Variants in GNB2 observed in about 807,000 individuals in gnomAD.
GNB2 encodes the protein guanine nucleotide-binding protein G(I)/G(S)/G(T) subunit beta-2.
GNB2 carries 7 observed loss-of-function variants against 40.7 expected under a neutral mutation model. The observed-to-expected ratio is 0.17, with a 90% CI of 0.10 to 0.32. The LOEUF (loss-of-function observed/expected upper bound fraction) is 0.32. Ranked by LOEUF, GNB2 falls within the 10% of genes least tolerant of loss-of-function variation. The pLI is 1.00. For missense variants in GNB2, 286 were observed against 473.0 expected (o/e 0.60, Z 3.67); for synonymous variants, 254 against 191.2 (o/e 1.33, Z -2.71).
rs1554371972 is a variant in GNB2, at chr7:100,678,703, G to A, written c.925G>A (p.Ala309Thr). ...TTCTCTCTTCTTCACAGGAGTCCTC[G>A]CTGGCCACGACAACCGCGTGAGCTG... ...AMKGDRAGVLAGHDNRVSCLG... is the reference protein window; with the variant it reads ...AMKGDRAGVLTGHDNRVSCLG... Residue 309 changes from alanine to threonine, a missense_variant, in exon 10 of 10, where the codon GCT (alanine) becomes ACT (threonine). Transcript: ENST00000303210. The A allele has an allele frequency of 5.6e-6, 9 of 1,613,182 alleles. 1 individual carries two copies. The highest frequency in any genetic ancestry group is 3.3e-5 in the South Asian group (3 of 91,068).
At position 100,678,742 on chromosome 7, in the gene GNB2, G is replaced by A. The variant is rs760148387; in HGVS notation, c.964G>A (p.Asp322Asn). The change falls in exon 10 of 10, where the codon GAC (aspartate) becomes AAC (asparagine). Residue 322 changes from aspartate (D) to asparagine (N), a missense_variant. By Grantham distance (23) the Asp-to-Asn change is conservative. Transcript: ENST00000303210. ...DNRVSCLGVT[D>N]DGMAVATGSW... ...CCGCGTGAGCTGCCTCGGGGTCACC[G>A]ACGATGGCATGGCTGTGGCCACGGG... 6.8e-6 allele frequency: 11 copies of A among 1,613,806 alleles called. No individual in the cohort carries two copies. In the East Asian group the frequency reaches 8.9e-5, roughly 13 times the overall value.
In GNB2 at chr7:100,678,810, C is replaced by A. The variant is rs746665448; in HGVS notation, c.*9C>A. The stretch of plus-strand genomic sequence containing the variant: ...TCAAGATCTGGAACTAATGGCCCCA[C>A]CCCCACTGGGCCCAGGCCAGGAGGG... On this transcript the variant is annotated 3_prime_UTR_variant, in exon 10 of 10. Coordinates refer to ENST00000303210, the MANE Select transcript of GNB2 (RefSeq NM_005273.4). The A allele has an allele frequency of 6.4e-7, 1 of 1,573,938 alleles. No homozygotes were observed. Among genetic ancestry groups the A allele is most frequent in the Admixed American group, 1.7e-5 (1 of 59,900 alleles).
intron 1 of GNB2, among the ~76,000 whole-genome samples, chr7:100,674,213 A>C (rs1031234221): frequency 6.6e-6 from 1 of 151,124 alleles, no homozygotes; most frequent in African/African-American, 2.4e-5. Flanking sequence ...TTGGGGGGCT[A>C]AATTCCGGGC....
rs568659479 is a variant in GNB2, at chr7:100,679,089, C to T, written c.*288C>T. 3.3e-4 allele frequency: 131 copies of T among 401,778 alleles called. 1 individual carries two copies. In the South Asian group the frequency reaches 1.0e-2, roughly 31 times the overall value. The allele number at this position is 401,778 out of a possible 1,614,324, so 24.9% of individuals were successfully genotyped here. A position where few individuals can be genotyped will look rare whatever the true frequency, so the allele number is the denominator to read the frequency against. ...AGGCAGGAGGTGGAAACCCCAGGGG[C>T]TGGCTTTTTTAAAACTGGTTTTATT... On this transcript the variant is annotated 3_prime_UTR_variant, in exon 10 of 10. Coordinates refer to ENST00000303210, the MANE Select transcript of GNB2 (RefSeq NM_005273.4).
chr7:100,678,133 T>C lies in GNB2; in HGVS notation c.533T>C (p.Val178Ala). 1 of 1,613,850 alleles carries C rather than the reference T, an allele frequency of 6.2e-7. No homozygotes were observed. The highest frequency in any genetic ancestry group is 1.7e-5 in the Admixed American group (1 of 60,020). The change falls in exon 8 of 10, where the codon GTG (valine) becomes GCG (alanine). Residue 178 changes from valine (V) to alanine (A), a missense_variant. By Grantham distance (64) the Val-to-Ala change is moderately conservative. Coordinates refer to ENST00000303210, the MANE Select transcript of GNB2 (RefSeq NM_005273.4). The stretch of plus-strand genomic sequence containing the variant: ...GACATTGAGACAGGCCAGCAGACAG[T>C]GGGTTTTGCTGGACACAGTGGGGAT... ...LWDIETGQQT[V>A]GFAGHSGDVM...
rs766519665 is a variant in GNB2, at chr7:100,678,323, C to T, written c.699+24C>T. ...CTGTGAGTTTTGGGGCGAGCTAGGC[C>T]AGGCCCTCCCCACCAGGCTCCCGGC... On this transcript the variant is annotated intron_variant, in intron 8 of 9. Transcript: ENST00000303210. The T allele has an allele frequency of 1.9e-6, 3 of 1,607,944 alleles. No individual in the cohort carries two copies. The South Asian group carries it at 3.3e-5, about 18-fold the overall frequency.
intron 7 of GNB2, 73 bp from the exon 8 acceptor site, chr7:100,678,025 T>C (rs1584479618): frequency 7.6e-7 from 1 of 1,313,618 alleles, no homozygotes; most frequent in Admixed American, 1.7e-5. Flanking sequence ...GCTCACGTGG[T>C]GGGGCGGGGA....
Position 100,678,320 on chromosome 7 carries a change from G to A in GNB2, c.699+21G>A, listed in dbSNP as rs560853556. ...TGGCTGTGAGTTTTGGGGCGAGCTA[G>A]GCCAGGCCCTCCCCACCAGGCTCCC... is the stretch of plus-strand genomic sequence containing the variant. On this transcript the variant is annotated intron_variant, in intron 8 of 9. Transcript: ENST00000303210. 2.5e-5 allele frequency: 40 copies of A among 1,608,910 alleles called. No individual in the cohort carries two copies. In the South Asian group the frequency reaches 4.3e-4, roughly 17 times the overall value.
rs572285163 is a variant in GNB2, at chr7:100,675,742, G to GGT, written c.-89-427_-89-426dup. On this transcript the variant is annotated intron_variant, in intron 1 of 9. Coordinates refer to ENST00000303210, the MANE Select transcript of GNB2 (RefSeq NM_005273.4). ...CCCACCCGCCACCATCGAAGCTGGGGGTGTGTGTGGAGGGTGTGCGCCTTG... is the reference window on the plus strand; with the variant it reads ...CCCACCCGCCACCATCGAAGCTGGGGGTGTGTGTGTGGAGGGTGTGCGCCTTG... 5.7e-3 allele frequency: 869 copies of GGT among 153,546 alleles called. 5 individuals carry two copies. Among genetic ancestry groups the GGT allele is most frequent in the South Asian group, 0.011 (55 of 5,172 alleles). 9.5% of individuals were successfully genotyped at this position (153,546 alleles called of 1,614,324 possible). A position where few individuals can be genotyped will look rare whatever the true frequency, so the allele number is the denominator to read the frequency against.
In GNB2 at chr7:100,677,588, A is replaced by G. The variant is rs1286911439; in HGVS notation, c.358A>G (p.Ile120Val). The G allele has an allele frequency of 1.9e-6, 3 of 1,613,394 alleles. No homozygotes were observed. The highest frequency in any genetic ancestry group is 2.2e-5 in the East Asian group (1 of 44,878). Reference protein sequence around the residue: ...NFVACGGLDNICSIYSLKTRE... With the variant: ...NFVACGGLDNVCSIYSLKTRE... The stretch of plus-strand genomic sequence containing the variant: ...TGTGGCCTGTGGGGGGTTGGACAAC[A>G]TCTGCTCCATCTACAGCCTCAAGAC... Residue 120 changes from isoleucine to valine, a missense_variant, in exon 6 of 10, where the codon ATC (isoleucine) becomes GTC (valine). Ile to Val is a conservative substitution (Grantham distance 29). Coordinates refer to ENST00000303210, the MANE Select transcript of GNB2 (RefSeq NM_005273.4).
At chr7:100,678,352 G>A (rs1320296137) in intron 8 of GNB2, 46 bp from the exon 9 acceptor site, 1 of 1,603,536 alleles carries the variant, frequency 6.2e-7, no homozygotes, top group Non-Finnish European at 8.5e-7. Context: ...TCCCGGCCCT[G>A]CTCCTCACCC....
rs1407764081 is a variant in GNB2 at position 100,677,399 on chromosome 7, G to C, written c.251G>C (p.Ser84Thr). ...GATGGGAAGCTCATCATCTGGGACAGCTACACCACCAACAAGGTAGGGTGG... is the reference window on the plus strand; with the variant it reads ...GATGGGAAGCTCATCATCTGGGACACCTACACCACCAACAAGGTAGGGTGG... ...SQDGKLIIWD[S>T]YTTNKVHAIP... The change falls in exon 5 of 10, where the codon AGC becomes ACC. Residue 84 changes from serine to threonine, a missense_variant. Transcript: ENST00000303210. 2 of 1,613,930 alleles carry C rather than the reference G, an allele frequency of 1.2e-6. No homozygotes were observed.
At chr7:100,677,172 G>A (rs867949066) in intron 4 of GNB2, 180 bp from the exon 5 acceptor site, 6 of 611,938 alleles carry the variant, frequency 9.8e-6, no homozygotes, top group African/African-American at 1.8e-5. Flanking sequence ...CTATGCGGGG[G>A]AGGCTGAGGT....
rs374292503 is a variant in GNB2, at chr7:100,673,815, GCGCCGC to G, written c.-166_-161del. On this transcript the variant is annotated 5_prime_UTR_variant, in exon 1 of 10. Coordinates refer to ENST00000303210, the MANE Select transcript of GNB2 (RefSeq NM_005273.4). The stretch of plus-strand genomic sequence containing the variant: ...CTGGGGCCACTGAGGAAATCCATCC[GCGCCGC>G]CGCCGCCGCCGCCGCCGCCGCCGCC... The G allele has an allele frequency of 0.21, 36,746 of 175,940 alleles. 3,863 individuals carry two copies. The highest frequency in any genetic ancestry group is 0.22 in the Non-Finnish European group (19,984 of 89,668). The allele number at this position is 175,940 out of a possible 1,614,324, so 10.9% of individuals were successfully genotyped here. A position where few individuals can be genotyped will look rare whatever the true frequency, so the allele number is the denominator to read the frequency against.
chr7:100,677,237 A>C (rs1584479037), intron 4 of GNB2, 115 bp from the exon 5 acceptor site: 3 of 767,672 alleles, frequency 3.9e-6, no homozygotes, highest in Non-Finnish European at 6.7e-6. Flanking sequence ...TGATGGTGCC[A>C]CTGCACTCCA....
Position 100,676,160 on chromosome 7 carries a change from A to C in GNB2, c.-89-17A>C, listed in dbSNP as rs1804341811. On this transcript the variant is annotated splice_polypyrimidine_tract_variant and intron_variant, in intron 1 of 9. Coordinates refer to ENST00000303210, the MANE Select transcript of GNB2 (RefSeq NM_005273.4). ...CCCCGGCGGCCTCGGGCCTGACGTCAGCCCTGCATCCCCCAGGCCTCGGGC... is the reference window on the plus strand; with the variant it reads ...CCCCGGCGGCCTCGGGCCTGACGTCCGCCCTGCATCCCCCAGGCCTCGGGC... 1 of 652,258 alleles carries C rather than the reference A, an allele frequency of 1.5e-6. No homozygotes were observed. 40.4% of individuals were successfully genotyped at this position (652,258 alleles called of 1,614,324 possible). A position where few individuals can be genotyped will look rare whatever the true frequency, so the allele number is the denominator to read the frequency against.
At chr7:100,676,061 GC>G (rs1804339671) in intron 1 of GNB2, 115 bp from the exon 2 acceptor site, 1 of 500,008 alleles carries the variant, frequency 2.0e-6, no homozygotes, top group Non-Finnish European at 3.5e-6. Flanking sequence ...GGGGACGGCG[GC>G]CGCGCCGCCC....
chr7:100,678,058 CCT>C, intron 7 of GNB2, 38 bp from the exon 8 acceptor site: 2 of 1,512,234 alleles, frequency 1.3e-6, no homozygotes, highest in Non-Finnish European at 1.8e-6. Context: ...TGTTCTTCGC[CCT>C]GTCTCTTATC....
In GNB2 at chr7:100,673,799, C is replaced by CT. The variant is rs1264341311; in HGVS notation, c.-213dup. On this transcript the variant is annotated 5_prime_UTR_variant, in exon 1 of 10. Transcript: ENST00000303210. ...AGCGCTGGCGGCGGGGCTGGGGCCA[C>CT]TGAGGAAATCCATCCGCGCCGCCGC... 1 of 180,874 alleles carries CT rather than the reference C, an allele frequency of 5.5e-6. No individual in the cohort carries two copies. The highest frequency in any genetic ancestry group is 2.5e-5 in the African/African-American group (1 of 40,246). The allele number at this position is 180,874 out of a possible 1,614,324, so 11.2% of individuals were successfully genotyped here. A position where few individuals can be genotyped will look rare whatever the true frequency, so the allele number is the denominator to read the frequency against.
Sources: gnomAD v4.1 joint callset for allele counts (sites outside exome capture counted in the v4.1 genomes callset) on GRCh38, gnomAD v4.1.1 for gene constraint, MANE v1.5 for transcripts, NCBI Gene and HGNC (gene_info 2026-07-23, HGNC 2026-07-21) for gene names.